TXNRD1: variants seen among roughly 807,000 people sequenced by gnomAD.
TXNRD1 encodes the protein thioredoxin reductase 1, also known as thioredoxin reductase 1, cytoplasmic.
TXNRD1 carries 57 observed loss-of-function variants against 80.3 expected under a neutral mutation model. That is an observed-to-expected ratio of 0.71 (90% CI 0.57 to 0.89). TXNRD1 has a LOEUF of 0.89. Among genes scored for constraint, TXNRD1 ranks in the 40% least tolerant of loss-of-function variants. The pLI is 0.00. For synonymous variants in TXNRD1, 291 were observed against 285.2 expected (o/e 1.02, Z -0.20); for missense variants, 730 against 803.0 (o/e 0.91, Z 1.10).
rs2036572278 is a variant in TXNRD1 at position 104,348,882 on chromosome 12, A to G, written c.*461A>G. Reference sequence around the variant, plus strand: ...AAAGCAAGTCATGGCTAGAGTATCCATGCAAGGTGTCTTGTTGCATGGAAG... The same window carrying G: ...AAAGCAAGTCATGGCTAGAGTATCCGTGCAAGGTGTCTTGTTGCATGGAAG... On this transcript the variant is annotated 3_prime_UTR_variant, in exon 17 of 17. Coordinates refer to ENST00000525566, the MANE Select transcript of TXNRD1 (RefSeq NM_001093771.3). 6.1e-6 allele frequency: 1 copy of G among 164,290 alleles called. No individual in the cohort carries two copies. Among genetic ancestry groups the G allele is most frequent in the Non-Finnish European group, 1.3e-5 (1 of 74,818 alleles). 10.2% of individuals were successfully genotyped at this position (164,290 alleles called of 1,614,324 possible). A position where few individuals can be genotyped will look rare whatever the true frequency, so the allele number is the denominator to read the frequency against.
intron 16 of TXNRD1, among the ~76,000 whole-genome samples, chr12:104,347,600 T>C (rs1249561070): frequency 6.6e-6 from 1 of 152,216 alleles, no homozygotes; most frequent in Admixed American, 6.5e-5. Flanking sequence ...CAGCTCTGTG[T>C]GCAAGGAGAT....
At chr12:104,252,664 A>ATC (rs2033146851) in intron 2 of TXNRD1, among the ~76,000 whole-genome samples, 2 of 29,344 alleles carry the variant, frequency 6.8e-5, no homozygotes, top group African/African-American at 3.2e-4. Context: ...ATTATTTTTT[A>ATC]TATATATATA....
intron 3 of TXNRD1, among the ~76,000 whole-genome samples, chr12:104,277,960 TCCG>T (rs1020488059): frequency 6.7e-6 from 1 of 149,978 alleles, no homozygotes; most frequent in African/African-American, 2.5e-5. Flanking sequence ...CACTGCAACC[TCCG>T]CCTCCCGGGT....
intron 1 of TXNRD1, among the ~76,000 whole-genome samples, chr12:104,222,792 A>C (rs1306352264): frequency 6.6e-6 from 1 of 152,254 alleles, no homozygotes; most frequent in Non-Finnish European, 1.5e-5. Flanking sequence ...CGGAGGTTGC[A>C]GTGAGCCGAG....
In TXNRD1 at chr12:104,321,218, ATTC is replaced by A; in HGVS notation, c.1123_1125del (p.Leu375del). On this transcript the variant is annotated inframe_deletion, in exon 10 of 17. Transcript: ENST00000525566. Reference sequence around the variant, plus strand: ...AGACGTCACTGTTATGGTTAGGTCCATTCTTCTTAGAGGATTTGACCAGGACAT... The same window carrying A: ...AGACGTCACTGTTATGGTTAGGTCCATTCTTAGAGGATTTGACCAGGACAT... 1.2e-6 allele frequency: 2 copies of A among 1,613,886 alleles called. No individual in the cohort carries two copies. The highest frequency in any genetic ancestry group is 1.7e-6 in the Non-Finnish European group (2 of 1,179,868).
intron 2 of TXNRD1, among the ~76,000 whole-genome samples, chr12:104,255,602 G>A (rs1008163088): frequency 6.6e-6 from 1 of 152,060 alleles, no homozygotes; most frequent in African/African-American, 2.4e-5. Flanking sequence ...AGACCAGCCT[G>A]ACCAACATGG....
At chr12:104,216,879 GT>G (rs1470847015) in intron 1 of TXNRD1, among the ~76,000 whole-genome samples, 1 of 152,216 alleles carries the variant, frequency 6.6e-6, no homozygotes, top group Non-Finnish European at 1.5e-5. Context: ...TTACAGTTTA[GT>G]TACAAGGCAG....
chr12:104,323,770 T>C, intron 10 of TXNRD1, among the ~76,000 whole-genome samples: 1 of 111,134 alleles, frequency 9.0e-6, no homozygotes, highest in Admixed American at 9.2e-5. Context: ...GAGGCGCCCC[T>C]CACCTCCCGG....
Position 104,304,598 on chromosome 12 carries a change from G to A in TXNRD1, c.415-6692G>A. The stretch of plus-strand genomic sequence containing the variant: ...TCCAGAAGCGACAGAAAAAAACGTA[G>A]AAAGGATTTTGGGATTGTTGCAAAC... On this transcript the variant is annotated intron_variant, in intron 4 of 16. Transcript: ENST00000525566. The A allele has an allele frequency of 6.2e-7, 1 of 1,613,988 alleles. No homozygotes were observed. Among genetic ancestry groups the A allele is most frequent in the Non-Finnish European group, 8.5e-7 (1 of 1,179,844 alleles).
chr12:104,256,563 G>C (rs1310091887), intron 2 of TXNRD1, among the ~76,000 whole-genome samples: 1 of 151,922 alleles, frequency 6.6e-6, no homozygotes, highest in Admixed American at 6.6e-5. Context: ...GGCAGATCAC[G>C]AGGTCAGGAG....
chr12:104,261,405 C>T (rs1402222457), intron 3 of TXNRD1, among the ~76,000 whole-genome samples: 2 of 152,184 alleles, frequency 1.3e-5, no homozygotes, highest in African/African-American at 4.8e-5. Flanking sequence ...TCAGGTGATC[C>T]ATCCACCTCG....
chr12:104,217,985 TACAC>T lies in TXNRD1; in HGVS notation c.91+2106_91+2109del, dbSNP rs772244779. Among the ~76,000 whole-genome samples, 3 of 151,070 alleles carry T rather than the reference TACAC, an allele frequency of 2.0e-5. No individual in the cohort carries two copies. The South Asian group carries it at 6.3e-4, about 32-fold the overall frequency. On this transcript the variant is annotated intron_variant, in intron 1 of 16. Coordinates refer to ENST00000525566, the MANE Select transcript of TXNRD1 (RefSeq NM_001093771.3). ...ATATGTACATACACACACACATATA[TACAC>T]ACACACACACACAAAATGGAATATA...
chr12:104,339,097 A>C (rs756331798), intron 15 of TXNRD1, 42 bp from the exon 16 acceptor site: 7 of 1,610,432 alleles, frequency 4.3e-6, no homozygotes, highest in Middle Eastern at 1.7e-4. Flanking sequence ...GGAGGGGAGA[A>C]AAATCAGCTT....
intron 3 of TXNRD1, among the ~76,000 whole-genome samples, chr12:104,273,976 C>G (rs907806484): frequency 3.3e-5 from 5 of 152,026 alleles, no homozygotes; most frequent in Non-Finnish European, 7.4e-5. Flanking sequence ...TGTGAGTTCT[C>G]CGGGAGGTGG....
At chr12:104,325,242 A>G in intron 10 of TXNRD1, 95 bp from the exon 11 acceptor site, 2 of 910,368 alleles carry the variant, frequency 2.2e-6, no homozygotes, top group Non-Finnish European at 3.5e-6. Context: ...ACGATTTTAT[A>G]TTTTAACTTT....
At position 104,310,872 on chromosome 12, in the gene TXNRD1, A is replaced by G. The variant is rs1335432236; in HGVS notation, c.415-418A>G. Reference sequence around the variant, plus strand: ...TTTAGATGTTATGCCCCAGCCAAACAGTATAGAAATGTCTTAAATAAATAT... The same window carrying G: ...TTTAGATGTTATGCCCCAGCCAAACGGTATAGAAATGTCTTAAATAAATAT... On this transcript the variant is annotated intron_variant, in intron 4 of 16. Coordinates refer to ENST00000525566, the MANE Select transcript of TXNRD1 (RefSeq NM_001093771.3). Among the ~76,000 whole-genome samples, 4 of 152,242 alleles carry G rather than the reference A, an allele frequency of 2.6e-5. No individual in the cohort carries two copies. In the East Asian group the frequency reaches 7.7e-4, roughly 29 times the overall value.
chr12:104,276,950 A>G (rs992144693), intron 3 of TXNRD1, among the ~76,000 whole-genome samples: 2 of 152,192 alleles, frequency 1.3e-5, no homozygotes, highest in African/African-American at 4.8e-5. Context: ...AGCTTGATAT[A>G]AGAAATAAAG....
chr12:104,301,119 T>A (rs1466456392), intron 4 of TXNRD1, among the ~76,000 whole-genome samples: 1 of 152,242 alleles, frequency 6.6e-6, no homozygotes, highest in African/African-American at 2.4e-5. Context: ...TTGTGTGGGC[T>A]GTTATCTCCT....
intron 1 of TXNRD1, among the ~76,000 whole-genome samples, chr12:104,230,941 A>G (rs533433520): frequency 7.0e-4 from 107 of 152,144 alleles, no homozygotes; most frequent in African/African-American, 2.4e-3. Flanking sequence ...ACACGTGAGG[A>G]TGTGTGGGGG....
Sources: allele counts gnomAD v4.1 joint callset (sites outside exome capture counted in the v4.1 genomes callset), GRCh38; gene constraint gnomAD v4.1.1; transcripts MANE v1.5; gene names NCBI Gene and HGNC (gene_info 2026-07-23, HGNC 2026-07-21).